Variants in RBMS3 observed in about 807,000 individuals in gnomAD.
RBMS3 encodes the protein RNA binding motif single stranded interacting protein 3.
In RBMS3, 27 loss-of-function variants were observed where a neutral mutation model predicts 66.8. The ratio of observed to expected loss-of-function variants is 0.40; its 90% CI spans 0.30 to 0.56. RBMS3 has a LOEUF of 0.56. RBMS3 is among the 20% of genes least tolerant of loss of function. The pLI is 0.40. For missense variants in RBMS3, 513 were observed against 549.5 expected, an observed-to-expected ratio of 0.93 and a Z score of 0.66; for synonymous variants, 188 against 183.0, an observed-to-expected ratio of 1.03 and a Z score of -0.22.
chr3:29,394,505 A>G (rs947382497), intron 1 of RBMS3, among the ~76,000 whole-genome samples: 1 of 152,238 alleles, frequency 6.6e-6, no homozygotes, highest in Admixed American at 6.5e-5. Context: ...ATAGGAAGTT[A>G]TAAGAGTATT....
rs751849702 is a variant in RBMS3 at position 29,587,225 on chromosome 3, G to GTGTTTTTT, written c.399+22_399+29dup. ...GCTAAGGTAAGATTGATGTTTAGGG[G>GTGTTTTTT]TGTTTTTTTTTTTTTTTTTTTTTTG... On this transcript the variant is annotated intron_variant, in intron 4 of 14. Transcript: ENST00000383767. 5.9e-5 allele frequency: 23 copies of GTGTTTTTT among 390,450 alleles called. 3 individuals carry two copies. The Admixed American group carries it at 1.4e-3, about 24-fold the overall frequency. The allele number at this position is 390,450 out of a possible 1,614,324, so 24.2% of individuals were successfully genotyped here.
intron 1 of RBMS3, among the ~76,000 whole-genome samples, chr3:29,428,855 C>T (rs776309275): frequency 1.3e-5 from 2 of 152,152 alleles, no homozygotes; most frequent in Admixed American, 6.5e-5. Flanking sequence ...ATGGTCACTT[C>T]CCCTTTGAAA....
intron 4 of RBMS3, among the ~76,000 whole-genome samples, chr3:29,709,159 T>A (rs73829312): frequency 6.6e-6 from 1 of 152,018 alleles, no homozygotes; most frequent in African/African-American, 2.4e-5. Context: ...TACACATGAC[T>A]CCCTCTAAAC....
At chr3:29,745,227 T>C (rs2054832410) in intron 5 of RBMS3, among the ~76,000 whole-genome samples, 1 of 150,110 alleles carries the variant, frequency 6.7e-6, no homozygotes, top group South Asian at 2.2e-4. Context: ...ACAGACATTT[T>C]ATTTTATTTT....
At chr3:29,440,054 A>AT (rs1002533548) in intron 2 of RBMS3, among the ~76,000 whole-genome samples, 12 of 152,154 alleles carry the variant, frequency 7.9e-5, no homozygotes, top group South Asian at 2.1e-4. Context: ...TAGTGTAATG[A>AT]TTTTTTACAT....
intron 5 of RBMS3, among the ~76,000 whole-genome samples, chr3:29,744,313 G>A (rs1249538512): frequency 6.6e-6 from 1 of 152,002 alleles, no homozygotes; most frequent in Non-Finnish European, 1.5e-5. Flanking sequence ...ATCACTTTAA[G>A]GTTTTGGGTT....
chr3:29,490,042 C>CAAAA (rs1245001930), intron 3 of RBMS3, among the ~76,000 whole-genome samples: 30 of 49,856 alleles, frequency 6.0e-4, no homozygotes, highest in Middle Eastern at 0.014. Flanking sequence ...GACTCCCTCT[C>CAAAA]AAAAAAAAAA....
At chr3:29,477,793 T>C (rs1407210222) in intron 2 of RBMS3, among the ~76,000 whole-genome samples, 2 of 152,098 alleles carry the variant, frequency 1.3e-5, no homozygotes, top group African/African-American at 4.8e-5. Flanking sequence ...TGAGACAGGG[T>C]CTCACTCTGT....
intron 1 of RBMS3, among the ~76,000 whole-genome samples, chr3:29,311,739 C>G (rs2034388110): frequency 6.6e-6 from 1 of 151,756 alleles, no homozygotes; most frequent in African/African-American, 2.4e-5. Context: ...AACATATAAA[C>G]TTGAATAGCG....
chr3:29,907,454 T>G (rs556887186), intron 10 of RBMS3, among the ~76,000 whole-genome samples: 1 of 152,118 alleles, frequency 6.6e-6, no homozygotes, highest in South Asian at 2.1e-4. Flanking sequence ...GGTGTAGATG[T>G]TGAACTTAAT....
At chr3:29,586,569 C>A (rs1219648349) in intron 3 of RBMS3, among the ~76,000 whole-genome samples, 2 of 152,088 alleles carry the variant, frequency 1.3e-5, no homozygotes, top group Non-Finnish European at 2.9e-5. Context: ...GCTTAGTAAT[C>A]AAATGGAACT....
chr3:29,285,730 T>C (rs2032274021), intron 1 of RBMS3, among the ~76,000 whole-genome samples: 1 of 152,146 alleles, frequency 6.6e-6, no homozygotes, highest in Non-Finnish European at 1.5e-5. Context: ...TATTCAACCA[T>C]CTGCAGCCAC....
chr3:29,724,810 T>G (rs1160861096), intron 4 of RBMS3, among the ~76,000 whole-genome samples: 1 of 152,178 alleles, frequency 6.6e-6, no homozygotes, highest in Non-Finnish European at 1.5e-5. Flanking sequence ...GACAGATATC[T>G]AATTCTTCGT....
chr3:29,549,033 A>G (rs2053282), intron 3 of RBMS3, among the ~76,000 whole-genome samples: 9,386 of 150,286 alleles, frequency 0.062, 333 homozygotes, highest in South Asian at 0.14. Flanking sequence ...ACACAAGCCC[A>G]AATTCTCCTT....
At chr3:29,908,790 TGGA>T (rs2060446339) in intron 10 of RBMS3, among the ~76,000 whole-genome samples, 1 of 152,092 alleles carries the variant, frequency 6.6e-6, no homozygotes, top group South Asian at 2.1e-4. Flanking sequence ...TTATTGGAAA[TGGA>T]GGAGAGAAAA....
chr3:29,437,662 T>C (rs1002216337), intron 2 of RBMS3, among the ~76,000 whole-genome samples: 7 of 152,210 alleles, frequency 4.6e-5, no homozygotes, highest in Non-Finnish European at 1.0e-4. Context: ...CAACATAATG[T>C]AGTGGAAATA....
intron 6 of RBMS3, among the ~76,000 whole-genome samples, chr3:29,823,123 A>T (rs1367675769): frequency 1.3e-5 from 2 of 152,120 alleles, no homozygotes; most frequent in African/African-American, 4.8e-5. Context: ...AACATTGTGT[A>T]TAGAGGGAAA....
In RBMS3 at chr3:29,281,746, TCCAAA is replaced by T; in HGVS notation, c.70_74del (p.Thr24AlafsTer35). On this transcript the variant is annotated frameshift_variant, in exon 1 of 15. Transcript: ENST00000383767. LOFTEE classifies it high-confidence loss of function. ...TACACTTACTACTATCCTCATTATC[TCCAAA>T]CCAAGGTATGGCTTGACCCACGGTC... is the stretch of plus-strand genomic sequence containing the variant. 1 of 1,612,650 alleles carries T rather than the reference TCCAAA, an allele frequency of 6.2e-7. No individual in the cohort carries two copies. Among genetic ancestry groups the T allele is most frequent in the Non-Finnish European group, 8.5e-7 (1 of 1,179,124 alleles).
intron 10 of RBMS3, among the ~76,000 whole-genome samples, chr3:29,912,220 G>A (rs777052892): frequency 1.2e-4 from 18 of 151,954 alleles, no homozygotes; most frequent in Admixed American, 2.0e-4. Context: ...TATTTCTCCC[G>A]TTCTATTTTG....
Sources: allele counts gnomAD v4.1 joint callset (sites outside exome capture counted in the v4.1 genomes callset), GRCh38; gene constraint gnomAD v4.1.1; transcripts MANE v1.5; gene names NCBI Gene and HGNC (gene_info 2026-07-23, HGNC 2026-07-21).